The following SSBP3 variants were observed in gnomAD, a reference collection of about 807,000 sequenced individuals.
SSBP3 encodes the protein single-stranded DNA-binding protein 3.
In SSBP3, 5 loss-of-function variants were observed where a neutral mutation model predicts 69.6. That is an observed-to-expected ratio of 0.07 (90% confidence interval 0.04 to 0.15). SSBP3 has a LOEUF of 0.15. Among genes scored for constraint, SSBP3 ranks in the 10% least tolerant of loss-of-function variants. SSBP3 has a pLI of 1.00. For missense variants in SSBP3, 312 were observed against 534.0 expected, an observed-to-expected ratio of 0.58 and a Z score of 4.10; for synonymous variants, 196 against 193.4, an observed-to-expected ratio of 1.01 and a Z score of -0.11.
intron 4 of SSBP3, among the ~76,000 whole-genome samples, chr1:54,385,270 A>C (rs911024802): frequency 6.6e-6 from 1 of 152,172 alleles, no homozygotes; most frequent in African/African-American, 2.4e-5. Flanking sequence ...TGCTGGGGAC[A>C]TATAAACACT....
At chr1:54,228,556 G>C (rs1229259237) in intron 15 of SSBP3, 79 bp from the exon 16 acceptor site, 19 of 1,588,576 alleles carry the variant, frequency 1.2e-5, no homozygotes, top group Non-Finnish European at 1.6e-5. Context: ...GGGCTCCTCG[G>C]GCCTCTAAGC....
chr1:54,412,347 ATAAAT>A (rs1303356431), intron 1 of SSBP3, among the ~76,000 whole-genome samples: 10 of 152,208 alleles, frequency 6.6e-5, no homozygotes, highest in Non-Finnish European at 1.3e-4. Flanking sequence ...TTAAAAATAA[ATAAAT>A]TAAATAAATA....
chr1:54,400,824 A>G (rs1170429493), intron 4 of SSBP3, among the ~76,000 whole-genome samples: 2 of 152,176 alleles, frequency 1.3e-5, no homozygotes, highest in Non-Finnish European at 2.9e-5. Flanking sequence ...CTGGTCTCTT[A>G]GCCAATTTCC....
chr1:54,373,458 G>A (rs1246129793), intron 4 of SSBP3, among the ~76,000 whole-genome samples: 1 of 152,106 alleles, frequency 6.6e-6, no homozygotes, highest in Non-Finnish European at 1.5e-5. Context: ...TCAGCAAAGA[G>A]TTGTTTTGAA....
At chr1:54,273,607 C>G (rs1037111106) in intron 5 of SSBP3, among the ~76,000 whole-genome samples, 1 of 152,228 alleles carries the variant, frequency 6.6e-6, no homozygotes, top group Non-Finnish European at 1.5e-5. Flanking sequence ...CTCCTCTGCC[C>G]CAGGCCTCTT....
chr1:54,366,400 G>C (rs893080400), intron 4 of SSBP3, among the ~76,000 whole-genome samples: 7 of 152,132 alleles, frequency 4.6e-5, no homozygotes, highest in African/African-American at 1.7e-4. Context: ...ATCACCCCAA[G>C]TATACAGATG....
At chr1:54,270,111 C>T (rs1645167817) in intron 5 of SSBP3, among the ~76,000 whole-genome samples, 1 of 152,218 alleles carries the variant, frequency 6.6e-6, no homozygotes, top group Admixed American at 6.5e-5. Context: ...ATTCTGACCA[C>T]ACACCTTATG....
intron 4 of SSBP3, among the ~76,000 whole-genome samples, chr1:54,327,229 G>A (rs1237272204): frequency 1.0e-5 from 1 of 99,928 alleles, no homozygotes; most frequent in Non-Finnish European, 2.4e-5. Flanking sequence ...AGGAAGGAAG[G>A]AAGGAAGGAA....
intron 7 of SSBP3, among the ~76,000 whole-genome samples, chr1:54,255,061 G>A (rs1644894836): frequency 6.9e-6 from 1 of 144,300 alleles, no homozygotes; most frequent in Non-Finnish European, 1.5e-5. Flanking sequence ...TCGAACTCCT[G>A]ATCAAGTGAT....
intron 4 of SSBP3, among the ~76,000 whole-genome samples, chr1:54,292,641 T>C (rs1406435659): frequency 6.6e-6 from 1 of 152,132 alleles, no homozygotes; most frequent in Non-Finnish European, 1.5e-5. Context: ...CAGACAGCGG[T>C]GACCCTCATC....
rs56901465 is a variant in SSBP3 at position 54,359,208 on chromosome 1, CAA to C, written c.276+42651_276+42652del. 3.0e-4 allele frequency among the ~76,000 whole-genome samples: 23 copies of C among 75,466 alleles called. No individual in the cohort carries two copies. In the East Asian group the frequency reaches 3.6e-3, roughly 12 times the overall value. 49.5% of individuals were successfully genotyped at this position (75,466 alleles called of 152,430 possible). On this transcript the variant is annotated intron_variant, in intron 4 of 17. Coordinates refer to ENST00000610401, the Ensembl canonical transcript of SSBP3. ...TGAGTTGCTATAATTACCCTCCCCT[CAA>C]AAAAAAAAAAAAAAAAAAAAGCTGT...
At chr1:54,299,456 G>A (rs1309532165) in intron 4 of SSBP3, among the ~76,000 whole-genome samples, 2 of 151,548 alleles carry the variant, frequency 1.3e-5, no homozygotes, top group Non-Finnish European at 2.9e-5. Flanking sequence ...ACCTGGCCAG[G>A]GTCCCTCTTA....
chr1:54,382,051 G>T (rs1647695063), intron 4 of SSBP3, among the ~76,000 whole-genome samples: 1 of 152,154 alleles, frequency 6.6e-6, no homozygotes, highest in Non-Finnish European at 1.5e-5. Flanking sequence ...AAAATTAGCT[G>T]AGCATGGTGG....
rs145657065 is a variant in SSBP3 at position 54,334,277 on chromosome 1, G to A, written c.277-52750C>T. ...TGAGGCAGGAGAATCACTTGAACCC[G>A]GGAGGCGGAGGTTGAAGTGAGCTGA... On this transcript the variant is annotated intron_variant, in intron 4 of 17. Transcript: ENST00000610401. Among the ~76,000 whole-genome samples, 1,123 of 150,434 alleles carry A rather than the reference G, an allele frequency of 7.5e-3. 12 individuals carry two copies. Among genetic ancestry groups the A allele is most frequent in the Middle Eastern group, 0.018 (5 of 282 alleles).
At chr1:54,344,790 T>A (rs923529464) in intron 4 of SSBP3, among the ~76,000 whole-genome samples, 1 of 152,156 alleles carries the variant, frequency 6.6e-6, no homozygotes, top group Non-Finnish European at 1.5e-5. Context: ...AGCAGGAGGA[T>A]CACTTCAGCT....
chr1:54,330,628 C>T (rs1245404738), intron 4 of SSBP3, among the ~76,000 whole-genome samples: 2 of 152,218 alleles, frequency 1.3e-5, no homozygotes, highest in African/African-American at 4.8e-5. Context: ...GCACTGTCTG[C>T]CTGTCACCTG....
chr1:54,403,941 C>T (rs1229048884), intron 3 of SSBP3, among the ~76,000 whole-genome samples: 1 of 149,644 alleles, frequency 6.7e-6, no homozygotes, highest in Non-Finnish European at 1.5e-5. Flanking sequence ...AGAGTGGGAG[C>T]CCCTAACTGC....
At chr1:54,348,301 A>G (rs1646725096) in intron 4 of SSBP3, among the ~76,000 whole-genome samples, 2 of 150,838 alleles carry the variant, frequency 1.3e-5, no homozygotes, top group Middle Eastern at 6.8e-3. Context: ...GTGGGCAGAA[A>G]GAAAGAGAAA....
intron 4 of SSBP3, among the ~76,000 whole-genome samples, chr1:54,334,180 T>C (rs1646469064): frequency 6.6e-6 from 1 of 152,060 alleles, no homozygotes. Context: ...GGTGAAACCC[T>C]GTCTCTACTA....
Sources: allele counts gnomAD v4.1 joint callset (sites outside exome capture counted in the v4.1 genomes callset), GRCh38; gene constraint gnomAD v4.1.1; transcripts MANE v1.5; gene names NCBI Gene and HGNC (gene_info 2026-07-23, HGNC 2026-07-21).